PTPRO: variants seen among roughly 807,000 people sequenced by gnomAD.
PTPRO encodes receptor-type tyrosine-protein phosphatase O.
PTPRO carries 62 observed loss-of-function variants against 145.2 expected under a neutral mutation model. That is an observed-to-expected ratio of 0.43 (90% CI 0.35 to 0.53). PTPRO has a LOEUF of 0.53. PTPRO is among the 20% of genes least tolerant of loss of function. The pLI is 0.01. For synonymous variants in PTPRO, 565 were observed against 514.7 expected (o/e 1.10, Z -1.32); for missense variants, 1,345 against 1,482.7 (o/e 0.91, Z 1.53).
intron 1 of PTPRO, among the ~76,000 whole-genome samples, chr12:15,423,956 A>G (rs1940214482): frequency 6.6e-6 from 1 of 152,214 alleles, no homozygotes; most frequent in Non-Finnish European, 1.5e-5. Flanking sequence ...GGCACAAGTT[A>G]GAGGAGAGTC....
At chr12:15,492,729 A>T (rs1175006579) in intron 2 of PTPRO, among the ~76,000 whole-genome samples, 1 of 152,208 alleles carries the variant, frequency 6.6e-6, no homozygotes, top group African/African-American at 2.4e-5. Context: ...GACAAATTCT[A>T]TACTGATAAA....
Position 15,557,440 on chromosome 12 carries a change from G to A in PTPRO, c.2559-15G>A, listed in dbSNP as rs1194600019. The A allele has an allele frequency of 6.2e-7, 1 of 1,611,708 alleles. No individual in the cohort carries two copies. Among genetic ancestry groups the A allele is most frequent in the East Asian group, 2.2e-5 (1 of 44,822 alleles). On this transcript the variant is annotated splice_polypyrimidine_tract_variant and intron_variant, in intron 15 of 26. Transcript: ENST00000281171. ...GTCAAGCAGTAACCTTGATTTTGTG[G>A]TTCCTTTAAAACAGGGAGTGTGGAG...
rs144500453 is a variant in PTPRO, at chr12:15,515,403, G to T, written c.1465-95G>T. 982 of 1,514,596 alleles carry T rather than the reference G, an allele frequency of 6.5e-4. 4 individuals carry two copies. In the African/African-American group the frequency reaches 0.01, roughly 16 times the overall value. 93.8% of individuals were successfully genotyped at this position (1,514,596 alleles called of 1,614,324 possible). A position where few individuals can be genotyped will look rare whatever the true frequency, so the allele number is the denominator to read the frequency against. On this transcript the variant is annotated intron_variant, in intron 7 of 26. Coordinates refer to ENST00000281171, the MANE Select transcript of PTPRO (RefSeq NM_030667.3). ...CCTTCTGGATTTCAAAGTCATCTGT[G>T]ATTCCAAAAAGAGTCTCTGAATATT...
intron 1 of PTPRO, among the ~76,000 whole-genome samples, chr12:15,332,569 T>C (rs1866643803): frequency 1.3e-5 from 2 of 152,242 alleles, no homozygotes; most frequent in African/African-American, 4.8e-5. Context: ...ATTATCTTAA[T>C]ATATAGCTTA....
At chr12:15,555,192 C>T (rs749329235) in intron 15 of PTPRO, among the ~76,000 whole-genome samples, 1 of 151,926 alleles carries the variant, frequency 6.6e-6, no homozygotes, top group Non-Finnish European at 1.5e-5. Flanking sequence ...GAGCTGAGAT[C>T]GTGCCACTGC....
At chr12:15,463,162 T>A (rs901020298) in intron 1 of PTPRO, among the ~76,000 whole-genome samples, 7 of 152,184 alleles carry the variant, frequency 4.6e-5, no homozygotes, top group Non-Finnish European at 7.4e-5. Context: ...TCCTGGATAC[T>A]TATGACCTAA....
chr12:15,464,499 C>T (rs1279161954), intron 1 of PTPRO, among the ~76,000 whole-genome samples: 3 of 150,482 alleles, frequency 2.0e-5, no homozygotes, highest in East Asian at 3.9e-4. Flanking sequence ...GGATTACAGG[C>T]ACATGCCACC....
chr12:15,463,572 T>C (rs1287361099), intron 1 of PTPRO, among the ~76,000 whole-genome samples: 2 of 152,214 alleles, frequency 1.3e-5, no homozygotes, highest in Non-Finnish European at 2.9e-5. Flanking sequence ...GTAGGAGTTA[T>C]AACCAGAAAA....
chr12:15,501,411 G>A (rs575137725), intron 4 of PTPRO, among the ~76,000 whole-genome samples: 3 of 152,272 alleles, frequency 2.0e-5, no homozygotes, highest in East Asian at 3.9e-4. Flanking sequence ...CTAGTGGTAT[G>A]TTGATAGGTA....
intron 1 of PTPRO, among the ~76,000 whole-genome samples, chr12:15,403,636 C>G (rs1939563797): frequency 6.6e-6 from 1 of 152,128 alleles, no homozygotes; most frequent in African/African-American, 2.4e-5. Flanking sequence ...GCTTAATTAT[C>G]CCCTGTTTGG....
chr12:15,509,921 C>T (rs1300439124), intron 7 of PTPRO, among the ~76,000 whole-genome samples: 1 of 152,104 alleles, frequency 6.6e-6, no homozygotes, highest in Non-Finnish European at 1.5e-5. Flanking sequence ...ACCTTGCTCT[C>T]AAATGCCCTG....
intron 1 of PTPRO, among the ~76,000 whole-genome samples, chr12:15,397,956 T>G (rs1049801551): frequency 6.6e-6 from 1 of 152,114 alleles, no homozygotes; most frequent in Non-Finnish European, 1.5e-5. Flanking sequence ...CCACCCCAGT[T>G]TGTAGTTACC....
At chr12:15,336,574 A>G (rs1051362737) in intron 1 of PTPRO, among the ~76,000 whole-genome samples, 1 of 152,168 alleles carries the variant, frequency 6.6e-6, no homozygotes, top group African/African-American at 2.4e-5. Flanking sequence ...CCATTTTTTC[A>G]CAACTAAACA....
chr12:15,456,588 C>G (rs190530937), intron 1 of PTPRO, among the ~76,000 whole-genome samples: 14 of 152,230 alleles, frequency 9.2e-5, no homozygotes, highest in Admixed American at 3.9e-4. Context: ...GTAGGAGTCA[C>G]CATTTGACTT....
intron 1 of PTPRO, among the ~76,000 whole-genome samples, chr12:15,352,043 A>G (rs1438678452): frequency 6.6e-6 from 1 of 152,164 alleles, no homozygotes; most frequent in Non-Finnish European, 1.5e-5. Context: ...AGAGGAAGCC[A>G]GTGGAGGACC....
At chr12:15,515,452 T>C in intron 7 of PTPRO, 46 bp from the exon 8 acceptor site, 1 of 1,609,190 alleles carries the variant, frequency 6.2e-7, no homozygotes, top group Non-Finnish European at 8.5e-7. Context: ...TGTAACATTC[T>C]GAAATCCCAG....
chr12:15,424,791 T>A (rs1212496379), intron 1 of PTPRO, among the ~76,000 whole-genome samples: 1 of 151,774 alleles, frequency 6.6e-6, no homozygotes, highest in African/African-American at 2.4e-5. Flanking sequence ...TTTCAGCAAG[T>A]ATGTAGAGTG....
At chr12:15,372,913 C>T (rs1004155411) in intron 1 of PTPRO, among the ~76,000 whole-genome samples, 3 of 152,082 alleles carry the variant, frequency 2.0e-5, no homozygotes, top group African/African-American at 7.2e-5. Context: ...TGGATTTGGA[C>T]TAAAACTGGT....
At chr12:15,354,183 A>G (rs1299552435) in intron 1 of PTPRO, among the ~76,000 whole-genome samples, 3 of 152,154 alleles carry the variant, frequency 2.0e-5, no homozygotes, top group African/African-American at 7.2e-5. Flanking sequence ...GTCTGCCACA[A>G]TGGGCTGCAT....
Sources: allele counts gnomAD v4.1 joint callset (sites outside exome capture counted in the v4.1 genomes callset), GRCh38; gene constraint gnomAD v4.1.1; transcripts MANE v1.5; gene names NCBI Gene and HGNC (gene_info 2026-07-23, HGNC 2026-07-21).